ADAMTSL1: variants seen among roughly 807,000 people sequenced by gnomAD.
The protein encoded by ADAMTSL1 is ADAMTS like 1, also known as ADAMTS-like protein 1.
In ADAMTSL1, 126 loss-of-function variants were observed where a neutral mutation model predicts 201.8. The ratio of observed to expected loss-of-function variants is 0.62; its 90% CI spans 0.54 to 0.72. The LOEUF (loss-of-function observed/expected upper bound fraction) is 0.72. Among genes scored for constraint, ADAMTSL1 ranks in the 30% least tolerant of loss-of-function variants. ADAMTSL1 has a pLI of 0.00. For missense variants in ADAMTSL1, 2,679 were observed against 2,277.8 expected, an observed-to-expected ratio of 1.18 and a Z score of -3.59; for synonymous variants, 1,121 against 903.4, an observed-to-expected ratio of 1.24 and a Z score of -4.32.
intron 2 of ADAMTSL1, among the ~76,000 whole-genome samples, chr9:18,450,882 G>C (rs1028083192): frequency 3.3e-5 from 5 of 152,138 alleles, no homozygotes; most frequent in African/African-American, 1.2e-4. Flanking sequence ...TGCTTCTAAA[G>C]CCATGCTTTG....
Position 18,681,770 on chromosome 9 carries a change from G to A in ADAMTSL1, c.1342-42G>A, listed in dbSNP as rs764552757. 5.4e-6 allele frequency: 8 copies of A among 1,472,512 alleles called. No homozygotes were observed. In the South Asian group the frequency reaches 1.2e-4, roughly 21 times the overall value. The allele number at this position is 1,472,512 out of a possible 1,614,324, so 91.2% of individuals were successfully genotyped here. On this transcript the variant is annotated intron_variant, in intron 11 of 28. Transcript: ENST00000380548. ...TGGGAAGTGAAGAAAAGTAAACAAG[G>A]CTTTGCCTACGAGTCTCCTCTCTCT...
chr9:17,956,875 C>T (rs1212162558), intron 1 of ADAMTSL1, among the ~76,000 whole-genome samples: 2 of 152,062 alleles, frequency 1.3e-5, no homozygotes, highest in South Asian at 2.1e-4. Context: ...GGGCTATTGC[C>T]CTGCCCCTGG....
chr9:18,065,936 G>A (rs755767866), intron 1 of ADAMTSL1, among the ~76,000 whole-genome samples: 34 of 122,144 alleles, frequency 2.8e-4, no homozygotes, highest in Non-Finnish European at 5.0e-4. Flanking sequence ...AGCCGAGATC[G>A]CCCCCACTGC....
At chr9:18,849,191 T>A (rs1205353707) in intron 23 of ADAMTSL1, among the ~76,000 whole-genome samples, 1 of 151,646 alleles carries the variant, frequency 6.6e-6, no homozygotes, top group Non-Finnish European at 1.5e-5. Flanking sequence ...TTTTAAGTGA[T>A]TTAAAACAGG....
At chr9:18,898,037 AAG>A in intron 26 of ADAMTSL1, among the ~76,000 whole-genome samples, 1 of 151,088 alleles carries the variant, frequency 6.6e-6, no homozygotes, top group Non-Finnish European at 1.5e-5. Context: ...AAAAAAAAAA[AAG>A]TTAGCCAGGC....
At chr9:18,524,959 A>G (rs1028862568) in intron 2 of ADAMTSL1, among the ~76,000 whole-genome samples, 3 of 152,226 alleles carry the variant, frequency 2.0e-5, no homozygotes, top group African/African-American at 7.2e-5. Context: ...GCCTCATAAA[A>G]TGAGTGAGGG....
chr9:18,169,181 T>C (rs1164982166), intron 2 of ADAMTSL1, among the ~76,000 whole-genome samples: 1 of 151,798 alleles, frequency 6.6e-6, no homozygotes, highest in African/African-American at 2.4e-5. Flanking sequence ...TTTGGTGTTT[T>C]AGGTATGAAG....
At chr9:18,036,413 T>G (rs1332473305) in intron 1 of ADAMTSL1, among the ~76,000 whole-genome samples, 1 of 152,220 alleles carries the variant, frequency 6.6e-6, no homozygotes, top group Non-Finnish European at 1.5e-5. Context: ...TTGTTCTCCA[T>G]TAGACTGGAT....
In ADAMTSL1 at chr9:17,913,250, G is replaced by T. The variant is rs545274419; in HGVS notation, c.87+6328G>T. On this transcript the variant is annotated intron_variant, in intron 1 of 29. Transcript: ENST00000680146. ...CTGTGAAGAAAGTCCTTGGTAGCTTGATGGGGATGGCATTGAATCTATAAA... is the reference window on the plus strand; with the variant it reads ...CTGTGAAGAAAGTCCTTGGTAGCTTTATGGGGATGGCATTGAATCTATAAA... Among the ~76,000 whole-genome samples the T allele has an allele frequency of 3.5e-3, 537 of 152,290 alleles. 2 individuals carry two copies. The highest frequency in any genetic ancestry group is 0.012 in the African/African-American group (513 of 41,564).
chr9:18,012,100 G>A (rs1444901829), intron 1 of ADAMTSL1, among the ~76,000 whole-genome samples: 1 of 152,032 alleles, frequency 6.6e-6, no homozygotes. Context: ...AGGGGTTGCA[G>A]GTGCTCTTTG....
chr9:18,408,772 C>A (rs1027321286), intron 2 of ADAMTSL1, among the ~76,000 whole-genome samples: 3 of 152,240 alleles, frequency 2.0e-5, no homozygotes, highest in Middle Eastern at 3.4e-3. Flanking sequence ...TTACAGCAGG[C>A]ATTTATTGGA....
chr9:18,271,076 A>G (rs1212199325), intron 2 of ADAMTSL1, among the ~76,000 whole-genome samples: 2 of 152,250 alleles, frequency 1.3e-5, no homozygotes, highest in East Asian at 3.9e-4. Flanking sequence ...TATTGTTGTA[A>G]ACAGTGGAAT....
At chr9:18,189,931 T>C (rs1304714730) in intron 2 of ADAMTSL1, among the ~76,000 whole-genome samples, 1 of 152,236 alleles carries the variant, frequency 6.6e-6, no homozygotes, top group Non-Finnish European at 1.5e-5. Flanking sequence ...TATTAGTCTG[T>C]GTGCTGCATT....
chr9:17,951,432 C>G (rs1827723935), intron 1 of ADAMTSL1, among the ~76,000 whole-genome samples: 1 of 152,104 alleles, frequency 6.6e-6, no homozygotes, highest in Admixed American at 6.6e-5. Context: ...TGGTTGTATT[C>G]TTACCAGCTC....
chr9:17,966,014 C>T (rs958040907), intron 1 of ADAMTSL1, among the ~76,000 whole-genome samples: 4 of 152,086 alleles, frequency 2.6e-5, no homozygotes, highest in Non-Finnish European at 4.4e-5. Flanking sequence ...AACAAGCAAA[C>T]GAATCTCCTG....
At chr9:18,271,351 G>A (rs181067689) in intron 2 of ADAMTSL1, among the ~76,000 whole-genome samples, 136 of 150,480 alleles carry the variant, frequency 9.0e-4, no homozygotes, top group African/African-American at 2.4e-3. Context: ...CCCACAACCC[G>A]GTGTGTGATG....
chr9:18,150,883 G>A (rs898578756), intron 1 of ADAMTSL1, among the ~76,000 whole-genome samples: 2 of 151,852 alleles, frequency 1.3e-5, no homozygotes, highest in African/African-American at 2.4e-5. Context: ...TGATTTTAGG[G>A]TATTCAAATC....
intron 1 of ADAMTSL1, among the ~76,000 whole-genome samples, chr9:18,099,512 GT>G (rs1455109255): frequency 6.8e-6 from 1 of 147,594 alleles, no homozygotes; most frequent in Non-Finnish European, 1.5e-5. Flanking sequence ...TGTTTTTTCT[GT>G]TTCTTTGTAT....
intron 15 of ADAMTSL1, among the ~76,000 whole-genome samples, chr9:18,732,929 C>T (rs1416712867): frequency 1.3e-5 from 2 of 152,130 alleles, no homozygotes; most frequent in Non-Finnish European, 2.9e-5. Context: ...TAATCTTACC[C>T]ACAATTTTAT....
Sources: allele counts gnomAD v4.1 joint callset (sites outside exome capture counted in the v4.1 genomes callset), GRCh38; gene constraint gnomAD v4.1.1; transcripts MANE v1.5; gene names NCBI Gene and HGNC (gene_info 2026-07-23, HGNC 2026-07-21).